SLX4IP: variants seen among roughly 807,000 people sequenced by gnomAD.
SLX4IP encodes SLX4 interacting protein.
SLX4IP carries 34 observed loss-of-function variants against 32.9 expected under a neutral mutation model. The observed-to-expected ratio is 1.03, with a 90% CI of 0.79 to 1.38. SLX4IP has a LOEUF of 1.38. Ranked by LOEUF, SLX4IP falls within the 40% of genes most tolerant of loss-of-function variation. The pLI, the probability that SLX4IP is intolerant of heterozygous loss-of-function variation, is 0.00. For missense variants in SLX4IP, 444 were observed against 479.0 expected (o/e 0.93, Z 0.68); for synonymous variants, 172 against 171.7 (o/e 1.00, Z -0.01).
At chr20:10,608,673 CA>C (rs560866110) in intron 6 of SLX4IP, among the ~76,000 whole-genome samples, 2,061 of 60,452 alleles carry the variant, frequency 0.034, 16 homozygotes, top group Non-Finnish European at 0.05. Context: ...TACTCTGTCT[CA>C]AAAAAAAAAA....
rs1760514281 is a variant in SLX4IP, at chr20:10,623,127, G to A, written c.975G>A (p.Val325=). ...SDRLVPREII[V]EKSKAVRVLP... Reference sequence around the variant, plus strand: ...GATTAGTCCCGAGAGAAATAATAGTGGAAAAAAGCAAAGCTGTCAGGGTTT... The same window carrying A: ...GATTAGTCCCGAGAGAAATAATAGTAGAAAAAAGCAAAGCTGTCAGGGTTT... Residue 325 remains valine (V), a synonymous_variant, in exon 8 of 8, where the codon GTG becomes GTA. Coordinates refer to ENST00000334534, the MANE Select transcript of SLX4IP (RefSeq NM_001009608.3). The A allele has an allele frequency of 6.2e-7, 1 of 1,614,166 alleles. No individual in the cohort carries two copies. The highest frequency in any genetic ancestry group is 1.1e-5 in the South Asian group (1 of 91,082).
chr20:10,489,349 A>G (rs925675379), intron 2 of SLX4IP, among the ~76,000 whole-genome samples: 5 of 152,210 alleles, frequency 3.3e-5, no homozygotes, highest in Non-Finnish European at 7.3e-5. Context: ...CTTTCCCTAC[A>G]AAATGGGCAG....
At chr20:10,512,687 TTATATATAG>T (rs1261670452) in intron 2 of SLX4IP, among the ~76,000 whole-genome samples, 21 of 143,426 alleles carry the variant, frequency 1.5e-4, no homozygotes, top group Non-Finnish European at 2.6e-4. Context: ...TATATATATT[TTATATATAG>T]TATATATAGT....
intron 4 of SLX4IP, among the ~76,000 whole-genome samples, chr20:10,571,199 A>T (rs375333109): frequency 6.6e-6 from 1 of 152,098 alleles, no homozygotes; most frequent in South Asian, 2.1e-4. Context: ...CAAACATTTG[A>T]GTCCCAGGTT....
chr20:10,477,222 C>A (rs2065482753), intron 2 of SLX4IP, among the ~76,000 whole-genome samples: 1 of 152,046 alleles, frequency 6.6e-6, no homozygotes, highest in South Asian at 2.1e-4. Flanking sequence ...TTTCGGCTCA[C>A]TGCAACCTCC....
Position 10,556,266 on chromosome 20 carries a change from C to T in SLX4IP, c.63C>T (p.Ile21=). 1.2e-6 allele frequency: 2 copies of T among 1,613,496 alleles called. No individual in the cohort carries two copies. The highest frequency in any genetic ancestry group is 1.1e-5 in the South Asian group (1 of 90,908). ...GNFAVLVDLH[I]LPQGSNKDTS... is the part of the protein sequence containing the mutation. ...TTGCTGTCCTCGTGGATCTTCATATCTTGCCACAAGGTTCAAACAAAGATA... is the reference window on the plus strand; with the variant it reads ...TTGCTGTCCTCGTGGATCTTCATATTTTGCCACAAGGTTCAAACAAAGATA... The change falls in exon 3 of 8, where the codon ATC becomes ATT. Residue 21 remains isoleucine, a synonymous_variant. Coordinates refer to ENST00000334534, the MANE Select transcript of SLX4IP (RefSeq NM_001009608.3).
At chr20:10,440,778 A>G (rs1261521640) in intron 1 of SLX4IP, among the ~76,000 whole-genome samples, 1 of 152,212 alleles carries the variant, frequency 6.6e-6, no homozygotes, top group Non-Finnish European at 1.5e-5. Context: ...TTCTATGTAA[A>G]GGTGACTGGA....
intron 6 of SLX4IP, among the ~76,000 whole-genome samples, chr20:10,617,040 C>G (rs2067043376): frequency 6.6e-6 from 1 of 152,338 alleles, no homozygotes; most frequent in South Asian, 2.1e-4. Context: ...CACTGAGGGG[C>G]TTGCCCAAAA....
chr20:10,453,793 A>C (rs2065263352), intron 1 of SLX4IP, among the ~76,000 whole-genome samples: 1 of 152,108 alleles, frequency 6.6e-6, no homozygotes, highest in Admixed American at 6.5e-5. Context: ...TAGATGCTGT[A>C]ATATGGGTCA....
intron 2 of SLX4IP, among the ~76,000 whole-genome samples, chr20:10,531,629 A>G: frequency 6.6e-6 from 1 of 152,244 alleles, no homozygotes; most frequent in African/African-American, 2.4e-5. Context: ...ACACTGCACA[A>G]AGAAAGAAAC....
At chr20:10,458,355 T>C in intron 2 of SLX4IP, 124 bp downstream of exon 2, 1 of 775,102 alleles carries the variant, frequency 1.3e-6, no homozygotes, top group Non-Finnish European at 1.9e-6. Context: ...TCTGCAAAAT[T>C]TTTTTTTTTC....
At chr20:10,480,605 AAAG>A (rs753808485) in intron 2 of SLX4IP, among the ~76,000 whole-genome samples, 5 of 152,242 alleles carry the variant, frequency 3.3e-5, no homozygotes, top group African/African-American at 7.2e-5. Flanking sequence ...ACAATAGATA[AAAG>A]AAGAATTGAA....
chr20:10,595,246 C>G (rs1181083454), intron 4 of SLX4IP, among the ~76,000 whole-genome samples: 1 of 152,208 alleles, frequency 6.6e-6, no homozygotes, highest in African/African-American at 2.4e-5. Flanking sequence ...TTTTCTCCCT[C>G]TAATCCAAAT....
At chr20:10,516,635 C>T (rs114113197) in intron 2 of SLX4IP, among the ~76,000 whole-genome samples, 1,609 of 152,268 alleles carry the variant, frequency 0.011, 35 homozygotes, top group African/African-American at 0.037. Context: ...GGGTCTAACA[C>T]GGAAAACCTC....
chr20:10,620,067 G>A (rs997723151), intron 6 of SLX4IP, among the ~76,000 whole-genome samples: 2 of 152,122 alleles, frequency 1.3e-5, no homozygotes, highest in African/African-American at 4.8e-5. Context: ...TCGGCTTGTA[G>A]GATAACCAGG....
At chr20:10,591,920 A>C (rs1418647796) in intron 4 of SLX4IP, among the ~76,000 whole-genome samples, 1 of 152,262 alleles carries the variant, frequency 6.6e-6, no homozygotes, top group African/African-American at 2.4e-5. Flanking sequence ...GGTCCCACAG[A>C]AAATGAAATT....
chr20:10,613,290 T>C (rs1281634158), intron 6 of SLX4IP: 6 of 681,844 alleles, frequency 8.8e-6, no homozygotes, highest in Non-Finnish European at 1.5e-5. Context: ...TGAGAGATTC[T>C]GCTTGGTCTA....
chr20:10,582,198 TTGGAGAGGTGG>T (rs1269511485), intron 4 of SLX4IP, among the ~76,000 whole-genome samples: 3 of 152,258 alleles, frequency 2.0e-5, no homozygotes, highest in East Asian at 3.9e-4. Flanking sequence ...GACCAGGATC[TTGGAGAGGTGG>T]CAGGGTGCAG....
Position 10,497,948 on chromosome 20 carries a change from C to G in SLX4IP, c.27+39717C>G, listed in dbSNP as rs1167303603. On this transcript the variant is annotated intron_variant, in intron 2 of 7. Transcript: ENST00000334534. ...TCACTGAGAACCAGCTTTCTCTTCTCTCTACTCCTTCACCATGGAGTCTAG... is the reference window on the plus strand; with the variant it reads ...TCACTGAGAACCAGCTTTCTCTTCTGTCTACTCCTTCACCATGGAGTCTAG... Among the ~76,000 whole-genome samples the G allele has an allele frequency of 3.3e-5, 5 of 151,894 alleles. No homozygotes were observed. The East Asian group carries it at 9.6e-4, about 29-fold the overall frequency.
Sources: gnomAD v4.1 joint callset for allele counts (sites outside exome capture counted in the v4.1 genomes callset) on GRCh38, gnomAD v4.1.1 for gene constraint, MANE v1.5 for transcripts, NCBI Gene and HGNC (gene_info 2026-07-23, HGNC 2026-07-21) for gene names.